CHCHD3: variants seen among roughly 807,000 people sequenced by gnomAD.
CHCHD3 encodes coiled-coil-helix-coiled-coil-helix domain containing 3, also known as MICOS complex subunit MIC19.
CHCHD3 carries 20 observed loss-of-function variants against 38.2 expected under a neutral mutation model. The observed-to-expected ratio is 0.52, with a 90% CI of 0.37 to 0.76. CHCHD3 has a LOEUF of 0.76. Among genes scored for constraint, CHCHD3 ranks in the 30% least tolerant of loss-of-function variants. CHCHD3 has a pLI of 0.00. For synonymous variants in CHCHD3, 82 were observed against 100.0 expected, an observed-to-expected ratio of 0.82 and a Z score of 1.07; for missense variants, 245 against 279.2, an observed-to-expected ratio of 0.88 and a Z score of 0.87.
intron 2 of CHCHD3, among the ~76,000 whole-genome samples, chr7:133,068,567 T>C (rs1584685426): frequency 6.6e-6 from 1 of 152,176 alleles, no homozygotes; most frequent in Admixed American, 6.5e-5. Flanking sequence ...CTTCAAAAGA[T>C]TGTGAGGACT....
chr7:132,786,166 T>C (rs1241771102), intron 7 of CHCHD3, among the ~76,000 whole-genome samples: 2 of 152,206 alleles, frequency 1.3e-5, no homozygotes, highest in Non-Finnish European at 2.9e-5. Flanking sequence ...CAACAGTCTT[T>C]GCTGTCTCAA....
intron 6 of CHCHD3, among the ~76,000 whole-genome samples, chr7:132,826,157 A>T (rs141764629): frequency 6.6e-6 from 1 of 152,334 alleles, no homozygotes; most frequent in East Asian, 1.9e-4. Context: ...CTCACAAATG[A>T]ATAGGCACTT....
rs183520032 is a variant in CHCHD3, at chr7:132,992,436, G to C, written c.252-17150C>G. Among the ~76,000 whole-genome samples the C allele has an allele frequency of 2.0e-5, 3 of 152,206 alleles. No individual in the cohort carries two copies. The East Asian group carries it at 5.8e-4, about 29-fold the overall frequency. ...ACATCCCACAGAGCCTCTCCTCCAA[G>C]CTTTAATGTTTTAACAACTACCTCT... On this transcript the variant is annotated intron_variant, in intron 3 of 7. Coordinates refer to ENST00000262570, the MANE Select transcript of CHCHD3 (RefSeq NM_017812.4).
chr7:132,907,456 G>A (rs1809826535), intron 4 of CHCHD3, among the ~76,000 whole-genome samples: 2 of 152,218 alleles, frequency 1.3e-5, no homozygotes, highest in Non-Finnish European at 2.9e-5. Flanking sequence ...TTGAAAGCCA[G>A]ATGAGTAGGA....
At chr7:132,855,671 G>C (rs142548677) in intron 5 of CHCHD3, among the ~76,000 whole-genome samples, 2 of 152,186 alleles carry the variant, frequency 1.3e-5, no homozygotes, top group African/African-American at 4.8e-5. Flanking sequence ...GCAGGATTCC[G>C]GAGTCTCTAA....
chr7:132,913,372 G>A (rs886167066), intron 4 of CHCHD3, among the ~76,000 whole-genome samples: 1 of 152,196 alleles, frequency 6.6e-6, no homozygotes, highest in East Asian at 1.9e-4. Context: ...GGGAAATTAT[G>A]CCTCTGGAGT....
chr7:132,921,216 A>G (rs933652633), intron 4 of CHCHD3, among the ~76,000 whole-genome samples: 2 of 152,200 alleles, frequency 1.3e-5, no homozygotes, highest in Non-Finnish European at 2.9e-5. Flanking sequence ...AAAAGATTTG[A>G]GGGTCTATAT....
intron 4 of CHCHD3, among the ~76,000 whole-genome samples, chr7:132,928,178 G>C (rs564489733): frequency 1.3e-5 from 2 of 152,272 alleles, no homozygotes; most frequent in South Asian, 4.2e-4. Flanking sequence ...AACATGAAGA[G>C]AGTGACATCA....
chr7:133,039,916 G>A (rs149335596), intron 2 of CHCHD3, among the ~76,000 whole-genome samples: 21 of 152,322 alleles, frequency 1.4e-4, no homozygotes, highest in Non-Finnish European at 1.8e-4. Flanking sequence ...CTCAAGGATA[G>A]TTGTGAGCCT....
chr7:133,041,683 G>GAATGA (rs771216831), intron 2 of CHCHD3, among the ~76,000 whole-genome samples: 3 of 152,146 alleles, frequency 2.0e-5, no homozygotes, highest in Non-Finnish European at 2.9e-5. Context: ...TCACTAAGCA[G>GAATGA]AATGAAATGA....
intron 3 of CHCHD3, among the ~76,000 whole-genome samples, chr7:132,977,562 A>G (rs1251719322): frequency 6.6e-6 from 1 of 152,232 alleles, no homozygotes; most frequent in Non-Finnish European, 1.5e-5. Context: ...ACCTATTTTT[A>G]CCAGTGAGGT....
chr7:133,024,420 T>G (rs929526683), intron 3 of CHCHD3, 126 bp downstream of exon 3: 1 of 763,834 alleles, frequency 1.3e-6, no homozygotes, highest in Non-Finnish European at 2.3e-6. Context: ...CAAGTTCATG[T>G]GTTCAGCACA....
At chr7:132,879,986 G>C (rs1809012555) in intron 5 of CHCHD3, among the ~76,000 whole-genome samples, 2 of 151,994 alleles carry the variant, frequency 1.3e-5, no homozygotes, top group Admixed American at 1.3e-4. Flanking sequence ...AATTTTCCCA[G>C]GAAATGTCAA....
intron 4 of CHCHD3, among the ~76,000 whole-genome samples, chr7:132,948,621 C>G (rs1379829764): frequency 6.6e-6 from 1 of 152,108 alleles, no homozygotes; most frequent in Non-Finnish European, 1.5e-5. Context: ...TATGGAAAAT[C>G]AACTACTAGT....
At chr7:132,945,983 A>T (rs1317880323) in intron 4 of CHCHD3, among the ~76,000 whole-genome samples, 2 of 151,924 alleles carry the variant, frequency 1.3e-5, no homozygotes, top group Admixed American at 1.3e-4. Flanking sequence ...TGATAACCAG[A>T]ACTATCTGTA....
At chr7:132,822,441 A>T (rs542083906) in intron 6 of CHCHD3, among the ~76,000 whole-genome samples, 15 of 152,178 alleles carry the variant, frequency 9.9e-5, no homozygotes, top group African/African-American at 3.4e-4. Flanking sequence ...TAAAAAAAAA[A>T]GTCTTGGGAG....
intron 4 of CHCHD3, chr7:132,972,808 C>T (rs1284688677): frequency 4.9e-5 from 48 of 985,258 alleles, no homozygotes; most frequent in Admixed American, 6.2e-5. Flanking sequence ...GTGAGTACTA[C>T]AATTTGTCAT....
chr7:132,829,887 A>G (rs1319184421), intron 6 of CHCHD3, among the ~76,000 whole-genome samples: 1 of 152,086 alleles, frequency 6.6e-6, no homozygotes, highest in Non-Finnish European at 1.5e-5. Context: ...TTTTATCCCT[A>G]TATTCCCAAT....
chr7:132,863,381 C>T (rs1397319980), intron 5 of CHCHD3, among the ~76,000 whole-genome samples: 3 of 152,126 alleles, frequency 2.0e-5, no homozygotes, highest in African/African-American at 7.2e-5. Flanking sequence ...TAGATCTCAA[C>T]AGTAGGCTTA....
Sources: allele counts gnomAD v4.1 joint callset (sites outside exome capture counted in the v4.1 genomes callset), GRCh38; gene constraint gnomAD v4.1.1; transcripts MANE v1.5; gene names NCBI Gene and HGNC (gene_info 2026-07-23, HGNC 2026-07-21).